Variants in NTN4 observed in about 807,000 individuals in gnomAD.
The protein encoded by NTN4 is netrin-4.
A neutral mutation model predicts 73.6 loss-of-function variants in NTN4; 32 were observed. The observed-to-expected ratio is 0.44, with a 90% CI of 0.33 to 0.58. The LOEUF is 0.58. NTN4 is among the 20% of genes least tolerant of loss of function. NTN4 has a pLI of 0.04. For synonymous variants in NTN4, 258 were observed against 287.5 expected (o/e 0.90, Z 1.04); for missense variants, 654 against 798.3 (o/e 0.82, Z 2.18).
intron 2 of NTN4, among the ~76,000 whole-genome samples, chr12:95,760,735 A>G (rs1592709182): frequency 1.4e-5 from 2 of 140,168 alleles, no homozygotes; most frequent in African/African-American, 2.7e-5. Flanking sequence ...GGGAAAGAAG[A>G]GGGGGGCAGT....
chr12:95,751,372 A>G (rs1329552457), intron 2 of NTN4, among the ~76,000 whole-genome samples: 1 of 152,208 alleles, frequency 6.6e-6, no homozygotes, highest in African/African-American at 2.4e-5. Context: ...CCACATCTCC[A>G]GCACACAAGA....
At chr12:95,774,140 T>A (rs974656453) in intron 2 of NTN4, among the ~76,000 whole-genome samples, 1 of 151,498 alleles carries the variant, frequency 6.6e-6, no homozygotes, top group African/African-American at 2.4e-5. Context: ...CAATACCTAC[T>A]GATTACCAGG....
chr12:95,787,418 G>T lies in NTN4; in HGVS notation c.106C>A (p.Pro36Thr). The change falls in exon 2 of 10, where the codon CCT (proline) becomes ACT (threonine). Residue 36 changes from proline (P) to threonine (T), a missense_variant. Physicochemically the swap from Pro to Thr is conservative, Grantham distance 38 (BLOSUM62 -1). Coordinates refer to ENST00000343702, the MANE Select transcript of NTN4 (RefSeq NM_021229.4). ...CCCAAAGCCAAATTTCCCATCCGAG[G>T]GTTGCAGGCTTTTTCACAGCGGGAA... ...VSSRCEKACN[P>T]RMGNLALGRK... The T allele has an allele frequency of 6.2e-7, 1 of 1,614,176 alleles. No homozygotes were observed. The highest frequency in any genetic ancestry group is 8.5e-7 in the Non-Finnish European group (1 of 1,180,036).
At chr12:95,700,817 T>TC in intron 5 of NTN4, among the ~76,000 whole-genome samples, 32 of 42,510 alleles carry the variant, frequency 7.5e-4, no homozygotes, top group African/African-American at 2.4e-3. Context: ...TTTCTTTCTT[T>TC]TTTTTTTTTT....
chr12:95,672,791 C>A, intron 7 of NTN4: 3 of 1,317,962 alleles, frequency 2.3e-6, no homozygotes, highest in East Asian at 2.3e-5. Flanking sequence ...ATTGCCAGCG[C>A]TCTGCCCTTT....
intron 4 of NTN4, among the ~76,000 whole-genome samples, chr12:95,711,005 A>G (rs2121085355): frequency 6.6e-6 from 1 of 152,282 alleles, no homozygotes; most frequent in African/African-American, 2.4e-5. Flanking sequence ...AAATAAATAA[A>G]CTAAAAATAG....
intron 2 of NTN4, among the ~76,000 whole-genome samples, chr12:95,784,808 C>T (rs755203705): frequency 1.1e-4 from 16 of 151,736 alleles, no homozygotes; most frequent in Admixed American, 3.9e-4. Context: ...CAATTAAAAA[C>T]ACTTATGAAC....
chr12:95,774,880 G>A (rs1013666497), intron 2 of NTN4, among the ~76,000 whole-genome samples: 1 of 152,178 alleles, frequency 6.6e-6, no homozygotes, highest in African/African-American at 2.4e-5. Context: ...GTGAAGGAAC[G>A]GAATGTGTAT....
At chr12:95,743,924 G>C (rs2078843564) in intron 2 of NTN4, among the ~76,000 whole-genome samples, 1 of 151,928 alleles carries the variant, frequency 6.6e-6, no homozygotes, top group Non-Finnish European at 1.5e-5. Flanking sequence ...TTTTTGAGAT[G>C]AAGTCTCACT....
At chr12:95,675,687 A>G (rs1391438559) in intron 7 of NTN4, among the ~76,000 whole-genome samples, 1 of 152,206 alleles carries the variant, frequency 6.6e-6, no homozygotes, top group African/African-American at 2.4e-5. Context: ...AAAAAAATGT[A>G]AAGAAAGAAA....
intron 3 of NTN4, among the ~76,000 whole-genome samples, chr12:95,728,968 C>T (rs1364669128): frequency 6.6e-6 from 1 of 152,166 alleles, no homozygotes; most frequent in African/African-American, 2.4e-5. Flanking sequence ...CTTGCTCCTG[C>T]TTTGTCTTCC....
At chr12:95,787,507 A>C in intron 1 of NTN4, 39 bp from the exon 2 acceptor site, 1 of 1,589,170 alleles carries the variant, frequency 6.3e-7, no homozygotes, top group Non-Finnish European at 8.6e-7. Flanking sequence ...AGACAAACCC[A>C]TCTGGAAAGC....
chr12:95,717,656 T>A, intron 3 of NTN4, among the ~76,000 whole-genome samples: 1 of 149,528 alleles, frequency 6.7e-6, no homozygotes. Context: ...TAAAACTAGG[T>A]CTTCATTGAA....
intron 5 of NTN4, among the ~76,000 whole-genome samples, chr12:95,684,333 C>T (rs1244033518): frequency 6.6e-6 from 1 of 151,938 alleles, no homozygotes; most frequent in Non-Finnish European, 1.5e-5. Context: ...GGGTCTCACT[C>T]TATCACCAAG....
At chr12:95,733,330 C>T (rs544185894) in intron 3 of NTN4, among the ~76,000 whole-genome samples, 185 of 152,312 alleles carry the variant, frequency 1.2e-3, no homozygotes, top group Admixed American at 2.5e-3. Flanking sequence ...GCACAGTTTT[C>T]CTTGCCACAA....
intron 2 of NTN4, among the ~76,000 whole-genome samples, chr12:95,757,706 C>T (rs1421753860): frequency 2.0e-5 from 3 of 149,544 alleles, no homozygotes; most frequent in Non-Finnish European, 3.0e-5. Context: ...AAAAAAGATC[C>T]GTGAGCAATA....
At chr12:95,694,878 G>T (rs2078429242) in intron 5 of NTN4, among the ~76,000 whole-genome samples, 1 of 152,108 alleles carries the variant, frequency 6.6e-6, no homozygotes, top group African/African-American at 2.4e-5. Flanking sequence ...TGTAATCCCA[G>T]CACTTTGGGA....
At chr12:95,784,903 A>G (rs1432390737) in intron 2 of NTN4, among the ~76,000 whole-genome samples, 1 of 152,228 alleles carries the variant, frequency 6.6e-6, no homozygotes, top group African/African-American at 2.4e-5. Flanking sequence ...AACATTGATG[A>G]CAATAAATAG....
chr12:95,741,599 C>T (rs1357654229), intron 2 of NTN4, among the ~76,000 whole-genome samples: 2 of 141,220 alleles, frequency 1.4e-5, no homozygotes, highest in African/African-American at 5.2e-5. Flanking sequence ...AGTAATATAG[C>T]CACTCAAGCT....
Sources: allele counts gnomAD v4.1 joint callset (sites outside exome capture counted in the v4.1 genomes callset), GRCh38; gene constraint gnomAD v4.1.1; transcripts MANE v1.5; gene names NCBI Gene and HGNC (gene_info 2026-07-23, HGNC 2026-07-21).